POU2AF1: variants seen among roughly 807,000 people sequenced by gnomAD.
POU2AF1 encodes POU class 2 homeobox associating factor 1, also known as POU domain class 2-associating factor 1.
Under a neutral mutation model 26.3 loss-of-function variants are expected in POU2AF1, and 12 were observed. The ratio of observed to expected loss-of-function variants is 0.46; its 90% confidence interval spans 0.29 to 0.74. The LOEUF (loss-of-function observed/expected upper bound fraction) is 0.74. Ranked by LOEUF, POU2AF1 falls within the 30% of genes least tolerant of loss-of-function variation. The probability of loss-of-function intolerance (pLI) is 0.09; values close to 1 mark genes in which losing one functional copy is unlikely to be tolerated. For missense variants in POU2AF1, 297 were observed against 334.5 expected (o/e 0.89, Z 0.87); for synonymous variants, 175 against 148.0 (o/e 1.18, Z -1.32).
intron 1 of POU2AF1, among the ~76,000 whole-genome samples, chr11:111,362,328 C>T (rs1861026639): frequency 6.6e-6 from 1 of 152,168 alleles, no homozygotes; most frequent in Admixed American, 6.5e-5. Context: ...TCCAATTATA[C>T]TTTTAGTTAT....
chr11:111,357,795 C>A lies in POU2AF1; in HGVS notation c.190G>T (p.Gly64Cys). ...HQPLATYTTV[G>C]PSCLDMEGSV... ...CACCAGGGCTACGGGGCACTCTTACCCACTGTGGTGTAGGTCGCCAGGGGC... is the reference window on the plus strand; with the variant it reads ...CACCAGGGCTACGGGGCACTCTTACACACTGTGGTGTAGGTCGCCAGGGGC... The change falls in exon 3 of 5, where the codon GGT becomes TGT. Residue 64 changes from glycine to cysteine, a missense_variant and splice_region_variant. Physicochemically the swap from Gly to Cys is radical, Grantham distance 159. Coordinates refer to ENST00000393067, the MANE Select transcript of POU2AF1 (RefSeq NM_006235.3). 2 of 1,613,114 alleles carry A rather than the reference C, an allele frequency of 1.2e-6. No homozygotes were observed. Among genetic ancestry groups the A allele is most frequent in the Non-Finnish European group, 8.5e-7 (1 of 1,179,644 alleles).
At chr11:111,373,666 G>C (rs1861254635) in intron 1 of POU2AF1, among the ~76,000 whole-genome samples, 1 of 152,194 alleles carries the variant, frequency 6.6e-6, no homozygotes, top group Non-Finnish European at 1.5e-5. Context: ...TAGAACATTT[G>C]AGACCCAAAG....
chr11:111,358,077 C>G (rs1237808828), intron 2 of POU2AF1, among the ~76,000 whole-genome samples: 1 of 152,190 alleles, frequency 6.6e-6, no homozygotes, highest in South Asian at 2.1e-4. Flanking sequence ...TCAGGGGGGG[C>G]CCCCAACTCA....
At chr11:111,365,082 C>T (rs959271843) in intron 1 of POU2AF1, among the ~76,000 whole-genome samples, 9 of 152,220 alleles carry the variant, frequency 5.9e-5, no homozygotes, top group Non-Finnish European at 8.8e-5. Flanking sequence ...AGGATGGACT[C>T]TTCAGACCCC....
At chr11:111,365,217 G>A (rs181643474) in intron 1 of POU2AF1, among the ~76,000 whole-genome samples, 31 of 152,270 alleles carry the variant, frequency 2.0e-4, no homozygotes, top group East Asian at 5.8e-4. Context: ...CATCACGGCC[G>A]GTCAAGAGGA....
intron 1 of POU2AF1, among the ~76,000 whole-genome samples, chr11:111,372,189 C>T (rs896416248): frequency 2.6e-5 from 4 of 152,100 alleles, no homozygotes; most frequent in Non-Finnish European, 5.9e-5. Flanking sequence ...CTGCCTGCTA[C>T]ATCGGGCTCT....
rs6421552 is a variant in POU2AF1 at position 111,378,255 on chromosome 11, A to G, written c.16+907T>C. On this transcript the variant is annotated intron_variant, in intron 1 of 4. Coordinates refer to ENST00000393067, the MANE Select transcript of POU2AF1 (RefSeq NM_006235.3). ...AAGCTTGCTTGAGGCACAGCATACT[A>G]AAATTAATTAAAACGAATTTTAAGG... 4.7e-3 allele frequency among the ~76,000 whole-genome samples: 710 copies of G among 151,814 alleles called. 11 individuals carry two copies. Among genetic ancestry groups the G allele is most frequent in the Middle Eastern group, 0.01 (3 of 294 alleles).
chr11:111,372,132 A>G (rs1392988621), intron 1 of POU2AF1, among the ~76,000 whole-genome samples: 1 of 151,974 alleles, frequency 6.6e-6, no homozygotes, highest in Non-Finnish European at 1.5e-5. Flanking sequence ...GAAAGTTCAG[A>G]ATCAAGGAAG....
At chr11:111,357,883 AACCG>A in intron 2 of POU2AF1, 46 bp from the exon 3 acceptor site, 2 of 1,549,848 alleles carry the variant, frequency 1.3e-6, no homozygotes, top group South Asian at 2.5e-5. Context: ...AGCCCTCGTC[AACCG>A]GCCCTGTGCA....
intron 3 of POU2AF1, 22 bp downstream of exon 3, chr11:111,357,773 C>G: frequency 6.2e-7 from 1 of 1,612,768 alleles, no homozygotes; most frequent in Non-Finnish European, 8.5e-7. Context: ...TGGGGGCCAC[C>G]AGGGCTACGG....
rs1861210052 is a variant in POU2AF1 at position 111,371,576 on chromosome 11, A to G, written c.16+7586T>C. On this transcript the variant is annotated intron_variant, in intron 1 of 4. Coordinates refer to ENST00000393067, the MANE Select transcript of POU2AF1 (RefSeq NM_006235.3). ...GTAACCATGATCACTAACCCACCAC[A>G]AGTTACAAGACTGGAGATGTGTGCC... is the stretch of plus-strand genomic sequence containing the variant. 2.0e-5 allele frequency among the ~76,000 whole-genome samples: 3 copies of G among 152,190 alleles called. No individual in the cohort carries two copies. In the South Asian group the frequency reaches 6.2e-4, roughly 32 times the overall value.
chr11:111,355,816 C>T (rs1031384614), intron 4 of POU2AF1, among the ~76,000 whole-genome samples: 7 of 152,240 alleles, frequency 4.6e-5, no homozygotes, highest in African/African-American at 1.7e-4. Flanking sequence ...CACCCCACCA[C>T]AGCATAATCA....
At position 111,358,869 on chromosome 11, in the gene POU2AF1, G is replaced by T; in HGVS notation, c.66C>A (p.Val22=). 1 of 1,608,838 alleles carries T rather than the reference G, an allele frequency of 6.2e-7. No homozygotes were observed. The highest frequency in any genetic ancestry group is 8.5e-7 in the Non-Finnish European group (1 of 1,179,986). Residue 22 remains valine (V), a synonymous_variant, in exon 2 of 5, where the codon GTC becomes GTA. Transcript: ENST00000393067. ...APAPARPYQG[V]RVKEPVKELL... is the part of the protein sequence containing the mutation. ...GTTCCTTCACTGGCTCCTTCACACGGACGCCCTGGTATGGCCGGGCCGGGG... is the reference window on the plus strand; with the variant it reads ...GTTCCTTCACTGGCTCCTTCACACGTACGCCCTGGTATGGCCGGGCCGGGG...
chr11:111,357,635 G>A lies in POU2AF1; in HGVS notation c.266C>T (p.Ser89Phe). 1 of 1,613,832 alleles carries A rather than the reference G, an allele frequency of 6.2e-7. No homozygotes were observed. Among genetic ancestry groups the A allele is most frequent in the Non-Finnish European group, 8.5e-7 (1 of 1,179,906 alleles). The part of the protein sequence containing the change: ...EEAALCAGWL[S>F]QPTPATLQPL... ...CTGCAGGGTGGCCGGGGTGGGCTGG[G>A]AGAGCCAGCCGGCACACAGGGCAGC... The change falls in exon 4 of 5, where the codon TCC (serine) becomes TTC (phenylalanine). Residue 89 changes from serine (S) to phenylalanine (F), a missense_variant. By Grantham distance (155) the Ser-to-Phe change is radical (BLOSUM62 -2). Coordinates refer to ENST00000393067, the MANE Select transcript of POU2AF1 (RefSeq NM_006235.3).
chr11:111,376,396 C>T (rs1373175753), intron 1 of POU2AF1, among the ~76,000 whole-genome samples: 1 of 152,208 alleles, frequency 6.6e-6, no homozygotes, highest in Non-Finnish European at 1.5e-5. Flanking sequence ...ACCTGACCAG[C>T]AGGTCCAAGT....
intron 1 of POU2AF1, among the ~76,000 whole-genome samples, chr11:111,364,825 T>A (rs1199289724): frequency 6.6e-6 from 1 of 152,208 alleles, no homozygotes; most frequent in Non-Finnish European, 1.5e-5. Flanking sequence ...CAGTGAGGGA[T>A]GGAGCAGAGG....
chr11:111,374,347 A>G (rs1381881512), intron 1 of POU2AF1, among the ~76,000 whole-genome samples: 1 of 152,116 alleles, frequency 6.6e-6, no homozygotes, highest in Admixed American at 6.5e-5. Context: ...TCACCTCCAG[A>G]CAGTGCACGT....
Position 111,352,993 on chromosome 11 carries a change from AGAAGGAAGGAAGGAAG to A in POU2AF1, c.*1252_*1267del, listed in dbSNP as rs1193388265. 142 of 72,824 alleles carry A rather than the reference AGAAGGAAGGAAGGAAG, an allele frequency of 1.9e-3. No homozygotes were observed. The highest frequency in any genetic ancestry group is 5.2e-3 in the Middle Eastern group (1 of 194). 4.5% of individuals were successfully genotyped at this position (72,824 alleles called of 1,614,324 possible). A position where few individuals can be genotyped will look rare whatever the true frequency, so the allele number is the denominator to read the frequency against. On this transcript the variant is annotated 3_prime_UTR_variant, in exon 5 of 5. Coordinates refer to ENST00000393067, the MANE Select transcript of POU2AF1 (RefSeq NM_006235.3). ...AGGAAGGAAGGAAGGAAGGAAGGAA[AGAAGGAAGGAAGGAAG>A]GAAGGAAGGAAGGAAGGAAGGAAGG... is the stretch of plus-strand genomic sequence containing the variant.
In POU2AF1 at chr11:111,377,214, A is replaced by G. The variant is rs560581522; in HGVS notation, c.16+1948T>C. Among the ~76,000 whole-genome samples the G allele has an allele frequency of 5.7e-3, 543 of 95,204 alleles. 4 individuals carry two copies. The highest frequency in any genetic ancestry group is 0.015 in the African/African-American group (508 of 32,794). 62.5% of individuals were successfully genotyped at this position (95,204 alleles called of 152,430 possible). On this transcript the variant is annotated intron_variant, in intron 1 of 4. Transcript: ENST00000393067. ...TAGTAAAACACCATCTCTACTAAAA[A>G]TACAAAAAAAAAAAAAACAGCTGGG...
Sources: allele counts gnomAD v4.1 joint callset (sites outside exome capture counted in the v4.1 genomes callset), GRCh38; gene constraint gnomAD v4.1.1; transcripts MANE v1.5; gene names NCBI Gene and HGNC (gene_info 2026-07-23, HGNC 2026-07-21).